CALCR: variants seen among roughly 807,000 people sequenced by gnomAD.
The protein encoded by CALCR is calcitonin receptor.
CALCR carries 47 observed loss-of-function variants against 59.5 expected under a neutral mutation model. The observed-to-expected ratio is 0.79, with a 90% CI of 0.63 to 1.01. CALCR has a LOEUF of 1.01. CALCR is among the 50% of genes least tolerant of loss of function. The probability of loss-of-function intolerance (pLI) is 0.00; values close to 1 mark genes in which losing one functional copy is unlikely to be tolerated. For synonymous variants in CALCR, 213 were observed against 211.3 expected (o/e 1.01, Z -0.07); for missense variants, 566 against 597.1 (o/e 0.95, Z 0.54).
intron 2 of CALCR, among the ~76,000 whole-genome samples, chr7:93,527,941 C>T (rs1788713926): frequency 6.6e-6 from 1 of 151,950 alleles, no homozygotes; most frequent in South Asian, 2.1e-4. Context: ...TTATTTTTTG[C>T]CTCAAAAAAT....
intron 2 of CALCR, among the ~76,000 whole-genome samples, chr7:93,567,035 T>C (rs971844014): frequency 6.6e-6 from 1 of 152,160 alleles, no homozygotes; most frequent in South Asian, 2.1e-4. Flanking sequence ...AGGTATGACT[T>C]TGTGATTAAG....
intron 6 of CALCR, among the ~76,000 whole-genome samples, chr7:93,469,648 ATCAGCT>A (rs1800513018): frequency 1.3e-5 from 2 of 151,098 alleles, no homozygotes; most frequent in African/African-American, 2.4e-5. Context: ...AGCCAATTTC[ATCAGCT>A]GTAATTGAAG....
chr7:93,564,459 T>G (rs1278106262), intron 2 of CALCR, among the ~76,000 whole-genome samples: 1 of 151,592 alleles, frequency 6.6e-6, no homozygotes, highest in Admixed American at 6.6e-5. Context: ...TACTACACTT[T>G]TAAAAAAAAA....
intron 2 of CALCR, among the ~76,000 whole-genome samples, chr7:93,532,175 A>T (rs1296079566): frequency 6.6e-6 from 1 of 152,046 alleles, no homozygotes; most frequent in African/African-American, 2.4e-5. Flanking sequence ...CTGTTTCAAA[A>T]GTTCCCTCTT....
intron 2 of CALCR, among the ~76,000 whole-genome samples, chr7:93,515,953 A>G (rs1221551539): frequency 6.6e-6 from 1 of 151,186 alleles, no homozygotes; most frequent in Admixed American, 6.6e-5. Flanking sequence ...GAATTCTTTC[A>G]ATAATCATAA....
At position 93,443,567 on chromosome 7, in the gene CALCR, G is replaced by A. The variant is rs201514395; in HGVS notation, c.802+37C>T. The A allele has an allele frequency of 8.9e-4, 1,419 of 1,597,832 alleles. 18 individuals carry two copies. Among genetic ancestry groups the A allele is most frequent in the South Asian group, 8.2e-3 (737 of 89,716 alleles). ...AGACTGAAAGCATACAGACAGAGGTGAAAGTGACTCAAAACTTAGCTGCAG... is the reference window on the plus strand; with the variant it reads ...AGACTGAAAGCATACAGACAGAGGTAAAAGTGACTCAAAACTTAGCTGCAG... On this transcript the variant is annotated intron_variant, in intron 9 of 13. Coordinates refer to ENST00000426151, the MANE Select transcript of CALCR (RefSeq NM_001742.4).
intron 4 of CALCR, among the ~76,000 whole-genome samples, chr7:93,477,936 C>T (rs35653744): frequency 0.01 from 891 of 86,550 alleles, 14 homozygotes; most frequent in African/African-American, 0.04. Flanking sequence ...AAAGCAAATG[C>T]CCCAAAGACT....
rs138971654 is a variant in CALCR, at chr7:93,452,530, T to A, written c.648+8291A>T. ...GCAGCTTTGTAGGAAAATACTGCAATCTTTCTCCAGAGGAATTTAAGGATG... is the reference window on the plus strand; with the variant it reads ...GCAGCTTTGTAGGAAAATACTGCAAACTTTCTCCAGAGGAATTTAAGGATG... On this transcript the variant is annotated intron_variant, in intron 8 of 13. Coordinates refer to ENST00000426151, the MANE Select transcript of CALCR (RefSeq NM_001742.4). Among the ~76,000 whole-genome samples, 137 of 152,090 alleles carry A rather than the reference T, an allele frequency of 9.0e-4. 1 individual carries two copies. The highest frequency in any genetic ancestry group is 3.0e-3 in the African/African-American group (126 of 41,530).
In CALCR at chr7:93,425,687, T is replaced by C. The variant is rs1467242886; in HGVS notation, c.*669A>G. On this transcript the variant is annotated 3_prime_UTR_variant, in exon 14 of 14. Coordinates refer to ENST00000426151, the MANE Select transcript of CALCR (RefSeq NM_001742.4). ...GCTAGGTCCTGCCCAATGGACAGGC[T>C]TGTCCAAAACCAAGCTGAGCATGTA... 6.6e-6 allele frequency: 1 copy of C among 152,242 alleles called. No homozygotes were observed. Among genetic ancestry groups the C allele is most frequent in the Non-Finnish European group, 1.5e-5 (1 of 68,046 alleles). 9.4% of individuals were successfully genotyped at this position (152,242 alleles called of 1,614,324 possible).
At chr7:93,553,656 C>T (rs1478736741) in intron 2 of CALCR, among the ~76,000 whole-genome samples, 2 of 152,086 alleles carry the variant, frequency 1.3e-5, no homozygotes, top group Non-Finnish European at 2.9e-5. Context: ...GAAAATGGGG[C>T]TAATAACAGC....
At chr7:93,529,416 C>G (rs539362582) in intron 2 of CALCR, among the ~76,000 whole-genome samples, 62 of 152,268 alleles carry the variant, frequency 4.1e-4, no homozygotes, top group African/African-American at 1.4e-3. Flanking sequence ...GTCTGCAGAA[C>G]CATGAGTTAA....
chr7:93,426,700 A>C, intron 13 of CALCR, 111 bp from the exon 14 acceptor site: 1 of 627,304 alleles, frequency 1.6e-6, no homozygotes, highest in Non-Finnish European at 2.8e-6. Flanking sequence ...TTAAATTGTA[A>C]TTCTGATCTA....
At chr7:93,480,214 G>T (rs1800763685) in intron 3 of CALCR, among the ~76,000 whole-genome samples, 1 of 151,786 alleles carries the variant, frequency 6.6e-6, no homozygotes, top group African/African-American at 2.4e-5. Flanking sequence ...ACCATCACAA[G>T]CCTCTCTTTT....
chr7:93,448,505 A>G (rs1439061197), intron 8 of CALCR, among the ~76,000 whole-genome samples: 1 of 151,996 alleles, frequency 6.6e-6, no homozygotes, highest in Non-Finnish European at 1.5e-5. Flanking sequence ...ATCCTGGGCT[A>G]GGGCTGCAAA....
At chr7:93,503,095 G>GT (rs527320676) in intron 2 of CALCR, among the ~76,000 whole-genome samples, 39 of 152,082 alleles carry the variant, frequency 2.6e-4, no homozygotes, top group African/African-American at 9.4e-4. Context: ...CCAAATCTCA[G>GT]TTTTTTAAAA....
chr7:93,468,823 T>TAAACAAAC lies in CALCR; in HGVS notation c.430-25_430-18dup, dbSNP rs3835011. On this transcript the variant is annotated splice_polypyrimidine_tract_variant and intron_variant, in intron 6 of 13. Transcript: ENST00000426151. ...ATATGCATTCTGGAACAACAAAAAGTAAACAAACAAACAATGAATGAATGA... is the reference window on the plus strand; with the variant it reads ...ATATGCATTCTGGAACAACAAAAAGTAAACAAACAAACAAACAAACAATGAATGAATGA... 22,463 of 1,207,528 alleles carry TAAACAAAC rather than the reference T, an allele frequency of 0.019. 1,868 individuals are homozygous for TAAACAAAC. The African/African-American group carries it at 0.21, about 11-fold the overall frequency. The allele number at this position is 1,207,528 out of a possible 1,614,324, so 74.8% of individuals were successfully genotyped here. A position where few individuals can be genotyped will look rare whatever the true frequency, so the allele number is the denominator to read the frequency against.
rs180856275 is a variant in CALCR at position 93,444,359 on chromosome 7, A to G, written c.649-602T>C. Among the ~76,000 whole-genome samples, 43 of 152,246 alleles carry G rather than the reference A, an allele frequency of 2.8e-4. No individual in the cohort carries two copies. The South Asian group carries it at 7.9e-3, about 28-fold the overall frequency. ...GGATGACATCCTTGCTGAGAACTCA[A>G]TGCAGACGTAGGAGCCACACCCTTG... is the stretch of plus-strand genomic sequence containing the variant. On this transcript the variant is annotated intron_variant, in intron 8 of 13. Transcript: ENST00000426151.
intron 2 of CALCR, among the ~76,000 whole-genome samples, chr7:93,548,839 AGTGTGTGTGTGT>A (rs754317267): frequency 5.1e-5 from 7 of 137,326 alleles, no homozygotes; most frequent in Non-Finnish European, 6.4e-5. Context: ...ATCCAGAAGA[AGTGTGTGTGTGT>A]GTGTGTGTGT....
At chr7:93,565,961 G>T (rs1182295385) in intron 2 of CALCR, among the ~76,000 whole-genome samples, 1 of 152,128 alleles carries the variant, frequency 6.6e-6, no homozygotes. Context: ...AAATTTGGCA[G>T]CAGTACAATT....
Sources: allele counts gnomAD v4.1 joint callset (sites outside exome capture counted in the v4.1 genomes callset), GRCh38; gene constraint gnomAD v4.1.1; transcripts MANE v1.5; gene names NCBI Gene and HGNC (gene_info 2026-07-23, HGNC 2026-07-21).